SRRM4: variants seen among roughly 807,000 people sequenced by gnomAD.
SRRM4 encodes serine/arginine repetitive matrix 4, also known as serine/arginine repetitive matrix protein 4.
In SRRM4, 33 loss-of-function variants were observed where a neutral mutation model predicts 68.9. The ratio of observed to expected loss-of-function variants is 0.48; its 90% confidence interval spans 0.36 to 0.64. The LOEUF (loss-of-function observed/expected upper bound fraction) is 0.64. SRRM4 is among the 30% of genes least tolerant of loss of function. SRRM4 has a pLI of 0.00. For synonymous variants in SRRM4, 318 were observed against 318.8 expected (o/e 1.00, Z 0.03); for missense variants, 817 against 827.1 (o/e 0.99, Z 0.15).
Position 118,997,773 on chromosome 12 carries a change from C to T in SRRM4, c.131+15760C>T, listed in dbSNP as rs58368545. 1.2e-3 allele frequency among the ~76,000 whole-genome samples: 186 copies of T among 152,250 alleles called. 2 individuals carry two copies. In the East Asian group the frequency reaches 0.028, roughly 23 times the overall value. ...TCTCAAAATATTGTCCCATTGCACA[C>T]GCAACATCTCCTTTAAGCTGCTTAA... On this transcript the variant is annotated intron_variant, in intron 1 of 12. Transcript: ENST00000267260.
At chr12:119,025,804 G>A (rs78845316) in intron 1 of SRRM4, among the ~76,000 whole-genome samples, 10,964 of 152,098 alleles carry the variant, frequency 0.072, 503 homozygotes, top group East Asian at 0.17. Flanking sequence ...GGCTTAGAAA[G>A]CATCAGACCT....
chr12:119,131,174 G>A (rs1001692637), intron 8 of SRRM4, among the ~76,000 whole-genome samples: 1 of 152,214 alleles, frequency 6.6e-6, no homozygotes, highest in Non-Finnish European at 1.5e-5. Flanking sequence ...GTTTTTGGGA[G>A]AGAAAGGAAA....
intron 1 of SRRM4, among the ~76,000 whole-genome samples, chr12:119,092,890 T>C (rs181251632): frequency 1.3e-5 from 2 of 152,048 alleles, no homozygotes; most frequent in East Asian, 3.9e-4. Context: ...ATTACCTCTC[T>C]GACTTTACCT....
intron 1 of SRRM4, among the ~76,000 whole-genome samples, chr12:119,050,798 G>C (rs1366345190): frequency 6.6e-6 from 1 of 152,072 alleles, no homozygotes; most frequent in East Asian, 1.9e-4. Context: ...CAATATGGTA[G>C]CCACTAGCCA....
chr12:119,145,354 G>A (rs1245650715), intron 8 of SRRM4, 27 bp from the exon 9 acceptor site: 2 of 1,585,828 alleles, frequency 1.3e-6, no homozygotes, highest in East Asian at 4.6e-5. Context: ...GCGCTCAGCA[G>A]TGTCCAACGG....
Position 119,120,277 on chromosome 12 carries a change from G to A in SRRM4, c.464+1G>A. 1.9e-6 allele frequency: 3 copies of A among 1,550,178 alleles called. No individual in the cohort carries two copies. Among genetic ancestry groups the A allele is most frequent in the Non-Finnish European group, 2.6e-6 (3 of 1,146,622 alleles). On this transcript the variant is annotated splice_donor_variant, in intron 5 of 12. Transcript: ENST00000267260. LOFTEE classifies it high-confidence loss of function. Reference sequence around the variant, plus strand: ...CATTCTCCAAGAAGAGAAGGCACAGGTAAGACTCTTGTTCTCTGACTGCCT... The same window carrying A: ...CATTCTCCAAGAAGAGAAGGCACAGATAAGACTCTTGTTCTCTGACTGCCT...
At chr12:119,061,141 T>C (rs10082877) in intron 1 of SRRM4, among the ~76,000 whole-genome samples, 88,116 of 151,974 alleles carry the variant, frequency 0.58, 26,473 homozygotes, top group Middle Eastern at 0.74. Context: ...TCCTTGAAGG[T>C]TGAAGGAATG....
chr12:119,028,971 A>T (rs1953568598), intron 1 of SRRM4, among the ~76,000 whole-genome samples: 1 of 152,246 alleles, frequency 6.6e-6, no homozygotes, highest in African/African-American at 2.4e-5. Context: ...GAATTGCTCC[A>T]TAAAAAGGAG....
At chr12:119,130,622 T>C in intron 7 of SRRM4, 56 bp from the exon 8 acceptor site, 1 of 1,552,356 alleles carries the variant, frequency 6.4e-7, no homozygotes, top group South Asian at 1.2e-5. Context: ...CCTGCATACA[T>C]CTCCCTACCA....
At chr12:118,985,105 C>T (rs1320927725) in intron 1 of SRRM4, among the ~76,000 whole-genome samples, 1 of 152,162 alleles carries the variant, frequency 6.6e-6, no homozygotes, top group Non-Finnish European at 1.5e-5. Flanking sequence ...TTGTGTTCTC[C>T]ATGCCTACCC....
rs971796847 is a variant in SRRM4 at position 119,159,803 on chromosome 12, C to G, written c.*3005C>G. The stretch of plus-strand genomic sequence containing the variant: ...ATCAGCCATCTTGCTTGAGAACCAC[C>G]AAGCCAAAAGCAAAAGCTTTTATCT... On this transcript the variant is annotated 3_prime_UTR_variant, in exon 13 of 13. Transcript: ENST00000267260. 6.6e-6 allele frequency: 1 copy of G among 151,930 alleles called. No homozygotes were observed. The highest frequency in any genetic ancestry group is 2.4e-5 in the African/African-American group (1 of 41,338). 9.4% of individuals were successfully genotyped at this position (151,930 alleles called of 1,614,324 possible).
At chr12:119,116,218 T>C (rs978167093) in intron 3 of SRRM4, among the ~76,000 whole-genome samples, 3 of 152,220 alleles carry the variant, frequency 2.0e-5, no homozygotes, top group Non-Finnish European at 4.4e-5. Flanking sequence ...AGCCTTGACA[T>C]GCCCAAGGTG....
intron 1 of SRRM4, among the ~76,000 whole-genome samples, chr12:119,050,705 G>C (rs1953737091): frequency 6.6e-6 from 1 of 152,078 alleles, no homozygotes; most frequent in South Asian, 2.1e-4. Context: ...GTGACATCTT[G>C]GTTGGCACCT....
intron 1 of SRRM4, among the ~76,000 whole-genome samples, chr12:119,059,689 A>T (rs1043175066): frequency 6.6e-6 from 1 of 152,202 alleles, no homozygotes; most frequent in Non-Finnish European, 1.5e-5. Context: ...TCTTAAAGGC[A>T]GTGGGAGCCA....
chr12:119,102,355 G>A lies in SRRM4; in HGVS notation c.251G>A (p.Arg84Gln), dbSNP rs761117796. ...TNSWERDKTC[R>Q]ELGATRGHSA... ...AGTTGGGAGAGAGACAAGACCTGTCGGGAACTGGGTGCCACCAGAGGACAC... is the reference window on the plus strand; with the variant it reads ...AGTTGGGAGAGAGACAAGACCTGTCAGGAACTGGGTGCCACCAGAGGACAC... The change falls in exon 2 of 13, where the codon CGG becomes CAG. Residue 84 changes from arginine (R) to glutamine (Q), a missense_variant. Arg to Gln is a conservative substitution (Grantham distance 43). Transcript: ENST00000267260. The A allele has an allele frequency of 1.1e-5, 17 of 1,612,782 alleles. No homozygotes were observed. The highest frequency in any genetic ancestry group is 4.4e-5 in the South Asian group (4 of 90,886).
chr12:119,038,350 T>A (rs551444806), intron 1 of SRRM4, among the ~76,000 whole-genome samples: 1 of 152,182 alleles, frequency 6.6e-6, no homozygotes, highest in East Asian at 1.9e-4. Flanking sequence ...TAGCTGGGAC[T>A]ACAGGCACCC....
chr12:119,075,464 ATGATGATGGTGC>A (rs879710484), intron 1 of SRRM4, among the ~76,000 whole-genome samples: 1,475 of 80,878 alleles, frequency 0.018, 14 homozygotes, highest in Middle Eastern at 0.029. Flanking sequence ...GATGATGGTG[ATGATGATGGTGC>A]TGATGGTGAT....
At chr12:119,057,881 T>A (rs377466297) in intron 1 of SRRM4, among the ~76,000 whole-genome samples, 4 of 152,312 alleles carry the variant, frequency 2.6e-5, no homozygotes, top group South Asian at 4.1e-4. Context: ...TTTTAGTAAT[T>A]GCCATTGGTC....
At chr12:119,127,018 A>G (rs906481547) in intron 7 of SRRM4, among the ~76,000 whole-genome samples, 1 of 143,432 alleles carries the variant, frequency 7.0e-6, no homozygotes, top group East Asian at 2.2e-4. Context: ...GTGAGAACAC[A>G]TGGACACAGG....
Sources: gnomAD v4.1 joint callset for allele counts (sites outside exome capture counted in the v4.1 genomes callset) on GRCh38, gnomAD v4.1.1 for gene constraint, MANE v1.5 for transcripts, NCBI Gene and HGNC (gene_info 2026-07-23, HGNC 2026-07-21) for gene names.